DHRSX: variants seen among roughly 807,000 people sequenced by gnomAD.
The protein encoded by DHRSX is polyprenol dehydrogenase.
In DHRSX, 31 loss-of-function variants were observed where a neutral mutation model predicts 34.0. The observed-to-expected ratio is 0.91, with a 90% CI of 0.69 to 1.23. The LOEUF (loss-of-function observed/expected upper bound fraction) is 1.23. Ranked by LOEUF, DHRSX falls within the 50% of genes most tolerant of loss-of-function variation. The pLI is 0.00. For synonymous variants in DHRSX, 201 were observed against 183.8 expected (o/e 1.09, Z -0.76); for missense variants, 414 against 428.1 (o/e 0.97, Z 0.29).
At chrX:2,396,370 T>TTTTTC (rs1167658830) in intron 3 of DHRSX, among the ~76,000 whole-genome samples, 38 of 100,122 alleles carry the variant, frequency 3.8e-4, no homozygotes, top group Middle Eastern at 4.3e-3. Context: ...GCTTTCTTTC[T>TTTTTC]TTTTCTTTTT....
chrX:2,432,781 C>G (rs1400832221), intron 1 of DHRSX, among the ~76,000 whole-genome samples: 1 of 152,068 alleles, frequency 6.6e-6, no homozygotes, highest in African/African-American at 2.4e-5. Flanking sequence ...GCTTCCTAAA[C>G]GAAAATTCAG....
intron 6 of DHRSX, among the ~76,000 whole-genome samples, chrX:2,226,084 A>AC (rs1262361989): frequency 2.0e-5 from 3 of 152,204 alleles, no homozygotes; most frequent in African/African-American, 7.2e-5. Context: ...TGGGAAAATC[A>AC]GTGTCTGTTG....
At chrX:2,248,414 C>CA (rs1238843304) in intron 5 of DHRSX, among the ~76,000 whole-genome samples, 3 of 135,230 alleles carry the variant, frequency 2.2e-5, no homozygotes, top group African/African-American at 5.3e-5. Context: ...GCCTGGGCGA[C>CA]AGAGCGAGAC....
chrX:2,256,383 C>T (rs1482288950), intron 5 of DHRSX, among the ~76,000 whole-genome samples: 1 of 151,506 alleles, frequency 6.6e-6, no homozygotes, highest in Admixed American at 6.6e-5. Context: ...GCAACCTCCA[C>T]CTCCCGGGTT....
At chrX:2,296,028 C>T (rs1212470626) in intron 3 of DHRSX, among the ~76,000 whole-genome samples, 1 of 152,132 alleles carries the variant, frequency 6.6e-6, no homozygotes, top group Non-Finnish European at 1.5e-5. Flanking sequence ...TGTGTCACCT[C>T]CTTCAGGAAG....
At chrX:2,409,456 G>T (rs766593288) in intron 2 of DHRSX, among the ~76,000 whole-genome samples, 5 of 152,112 alleles carry the variant, frequency 3.3e-5, no homozygotes, top group East Asian at 3.9e-4. Context: ...CCCTGGTGTG[G>T]GATGTTCCCC....
chrX:2,500,763 A>C (rs2045407464), intron 1 of DHRSX, 54 bp downstream of exon 1: 180 of 451,112 alleles, frequency 4.0e-4, no homozygotes, highest in Non-Finnish European at 4.8e-4. Flanking sequence ...CCCCCGAGCC[A>C]GCCCGCGCCC....
At chrX:2,373,234 C>G (rs1178906715) in intron 3 of DHRSX, among the ~76,000 whole-genome samples, 1 of 152,180 alleles carries the variant, frequency 6.6e-6, no homozygotes, top group East Asian at 1.9e-4. Flanking sequence ...TCCACCTGGC[C>G]CCACCCTTCA....
chrX:2,370,461 G>A (rs1301238450), intron 3 of DHRSX, among the ~76,000 whole-genome samples: 1 of 151,966 alleles, frequency 6.6e-6, no homozygotes, highest in African/African-American at 2.4e-5. Context: ...CTGAGCCACC[G>A]CGCCCAGCTG....
intron 3 of DHRSX, among the ~76,000 whole-genome samples, chrX:2,395,812 G>T (rs902002658): frequency 6.6e-6 from 1 of 152,104 alleles, no homozygotes; most frequent in African/African-American, 2.4e-5. Context: ...AGGACACAGT[G>T]TGCTGATGTC....
intron 5 of DHRSX, among the ~76,000 whole-genome samples, chrX:2,247,514 C>T (rs1171790835): frequency 2.6e-5 from 4 of 151,512 alleles, no homozygotes; most frequent in Non-Finnish European, 5.9e-5. Flanking sequence ...ATTACCCGGG[C>T]ATGGTGGCGG....
chrX:2,282,592 A>G (rs1285146514), intron 4 of DHRSX, among the ~76,000 whole-genome samples: 1 of 108,244 alleles, frequency 9.2e-6, no homozygotes, highest in Admixed American at 9.6e-5. Context: ...GAGAGAGAAG[A>G]AAGAGGGGAG....
At chrX:2,292,805 G>A (rs1188013874) in intron 3 of DHRSX, among the ~76,000 whole-genome samples, 1 of 151,604 alleles carries the variant, frequency 6.6e-6, no homozygotes, top group African/African-American at 2.4e-5. Flanking sequence ...TGGATCCCTT[G>A]CTACAGATAG....
At chrX:2,313,570 T>C (rs954827537) in intron 3 of DHRSX, among the ~76,000 whole-genome samples, 5 of 152,014 alleles carry the variant, frequency 3.3e-5, no homozygotes, top group African/African-American at 9.7e-5. Flanking sequence ...GGTTTCACCA[T>C]GTTGGCCAGG....
chrX:2,298,618 A>ACACACACACACACACG (rs1556457321), intron 3 of DHRSX, among the ~76,000 whole-genome samples: 3 of 135,364 alleles, frequency 2.2e-5, no homozygotes, highest in African/African-American at 1.2e-4. Context: ...ACACACACAC[A>ACACACACACACACACG]CACACACACA....
At chrX:2,266,303 C>T (rs2041469542) in intron 5 of DHRSX, among the ~76,000 whole-genome samples, 1 of 133,924 alleles carries the variant, frequency 7.5e-6, no homozygotes, top group Non-Finnish European at 1.5e-5. Flanking sequence ...GGAGCACCGT[C>T]CCCAGAGCAC....
At chrX:2,370,054 C>T (rs770297035) in intron 3 of DHRSX, among the ~76,000 whole-genome samples, 68 of 152,266 alleles carry the variant, frequency 4.5e-4, no homozygotes, top group African/African-American at 1.6e-3. Flanking sequence ...CCTCACTCTC[C>T]AAAGAGCTTG....
intron 2 of DHRSX, among the ~76,000 whole-genome samples, chrX:2,414,441 T>A (rs1394415797): frequency 6.6e-6 from 1 of 151,826 alleles, no homozygotes; most frequent in Non-Finnish European, 1.5e-5. Flanking sequence ...GAACTCATCA[T>A]GACCTAACCA....
Position 2,265,159 on chromosome X carries a change from T to C in DHRSX, c.596+1581A>G, listed in dbSNP as rs1205519008. ...GAGCACTGTCCCCAGAGCACCAGTG[T>C]CCAGCAGACGCAGGGAGCACTGTCC... On this transcript the variant is annotated intron_variant, in intron 5 of 6. Transcript: ENST00000334651. 2.0e-4 allele frequency among the ~76,000 whole-genome samples: 23 copies of C among 115,008 alleles called. No homozygotes were observed. In the East Asian group the frequency reaches 4.4e-3, roughly 22 times the overall value. 75.4% of individuals were successfully genotyped at this position (115,008 alleles called of 152,430 possible). A position where few individuals can be genotyped will look rare whatever the true frequency, so the allele number is the denominator to read the frequency against.
Sources: allele counts gnomAD v4.1 joint callset (sites outside exome capture counted in the v4.1 genomes callset), GRCh38; gene constraint gnomAD v4.1.1; transcripts MANE v1.5; gene names NCBI Gene and HGNC (gene_info 2026-07-23, HGNC 2026-07-21).